The following KCNH1 variants were observed in gnomAD, a reference collection of about 807,000 sequenced individuals.
KCNH1 encodes potassium voltage-gated channel subfamily H member 1, also known as voltage-gated delayed rectifier potassium channel KCNH1.
A neutral mutation model predicts 69.2 loss-of-function variants in KCNH1; 27 were observed. The observed-to-expected ratio is 0.39, with a 90% CI of 0.29 to 0.54. The LOEUF is 0.54. Among genes scored for constraint, KCNH1 ranks in the 20% least tolerant of loss-of-function variants. The pLI is 0.68. For missense variants in KCNH1, 798 were observed against 1,261.6 expected, an observed-to-expected ratio of 0.63 and a Z score of 5.57; for synonymous variants, 456 against 487.7, an observed-to-expected ratio of 0.93 and a Z score of 0.86.
At chr1:210,702,766 C>T (rs1204568073) in intron 10 of KCNH1, among the ~76,000 whole-genome samples, 1 of 152,192 alleles carries the variant, frequency 6.6e-6, no homozygotes, top group African/African-American at 2.4e-5. Context: ...ACAGAGCTTT[C>T]TTGGGCTTTG....
chr1:210,779,034 G>A (rs968350918), intron 9 of KCNH1, among the ~76,000 whole-genome samples: 2 of 152,120 alleles, frequency 1.3e-5, no homozygotes, highest in African/African-American at 4.8e-5. Context: ...ATTGTGGTCG[G>A]AATACACCAT....
intron 1 of KCNH1, among the ~76,000 whole-genome samples, chr1:211,128,683 T>C (rs1185617487): frequency 6.6e-6 from 1 of 152,204 alleles, no homozygotes; most frequent in African/African-American, 2.4e-5. Flanking sequence ...TGCTTTTCTA[T>C]TTGTCGTACT....
At chr1:211,031,921 C>CA (rs1283744889) in intron 5 of KCNH1, among the ~76,000 whole-genome samples, 1 of 152,062 alleles carries the variant, frequency 6.6e-6, no homozygotes, top group African/African-American at 2.4e-5. Context: ...GGCAATCAGG[C>CA]AGGAGAAGGA....
At chr1:210,716,848 A>G (rs1268983871) in intron 10 of KCNH1, among the ~76,000 whole-genome samples, 8 of 152,186 alleles carry the variant, frequency 5.3e-5, no homozygotes, top group Admixed American at 3.9e-4. Flanking sequence ...ACGAGTTGCT[A>G]TGATTTTTTG....
intron 10 of KCNH1, among the ~76,000 whole-genome samples, chr1:210,703,501 T>G (rs1305969318): frequency 6.6e-6 from 1 of 152,218 alleles, no homozygotes; most frequent in Non-Finnish European, 1.5e-5. Flanking sequence ...CCTACCTGCT[T>G]TATACAGTAA....
chr1:210,745,897 C>T (rs1019738426), intron 10 of KCNH1, among the ~76,000 whole-genome samples: 1 of 152,046 alleles, frequency 6.6e-6, no homozygotes, highest in Admixed American at 6.5e-5. Context: ...AGCAGAGTAA[C>T]AGGGAGAAAG....
At chr1:211,131,709 G>T (rs943728111) in intron 1 of KCNH1, among the ~76,000 whole-genome samples, 3 of 152,052 alleles carry the variant, frequency 2.0e-5, no homozygotes, top group African/African-American at 7.2e-5. Context: ...TTCCATTTGT[G>T]TTCAGGAAAT....
At chr1:210,729,996 C>T (rs1682705654) in intron 10 of KCNH1, among the ~76,000 whole-genome samples, 1 of 152,094 alleles carries the variant, frequency 6.6e-6, no homozygotes, top group Non-Finnish European at 1.5e-5. Flanking sequence ...AAGAGAGTCC[C>T]CCAACTTCTG....
chr1:211,072,968 G>A (rs191328309), intron 5 of KCNH1, among the ~76,000 whole-genome samples: 93 of 152,252 alleles, frequency 6.1e-4, no homozygotes, highest in Non-Finnish European at 9.3e-4. Flanking sequence ...CCAACTATAT[G>A]TCGTCTACAG....
intron 7 of KCNH1, among the ~76,000 whole-genome samples, chr1:210,835,619 G>A (rs1284665324): frequency 6.6e-6 from 1 of 152,060 alleles, no homozygotes; most frequent in Non-Finnish European, 1.5e-5. Context: ...CATACCAACA[G>A]AACCACTAAG....
At chr1:210,773,105 T>C (rs1207309875) in intron 10 of KCNH1, among the ~76,000 whole-genome samples, 1 of 152,218 alleles carries the variant, frequency 6.6e-6, no homozygotes, top group Admixed American at 6.5e-5. Context: ...TCAACTTGCT[T>C]TCATAGAAAG....
chr1:210,754,527 G>A (rs1026358641), intron 10 of KCNH1, among the ~76,000 whole-genome samples: 1 of 152,106 alleles, frequency 6.6e-6, no homozygotes, highest in Non-Finnish European at 1.5e-5. Flanking sequence ...GGTCACGGGG[G>A]TGGATCCCTC....
intron 10 of KCNH1, among the ~76,000 whole-genome samples, chr1:210,688,856 C>A (rs28513183): frequency 6.6e-6 from 1 of 152,006 alleles, no homozygotes; most frequent in Non-Finnish European, 1.5e-5. Context: ...TGTTCCACTG[C>A]AAAAGGCCCA....
At chr1:210,794,670 A>G (rs564086373) in intron 9 of KCNH1, among the ~76,000 whole-genome samples, 1 of 152,274 alleles carries the variant, frequency 6.6e-6, no homozygotes, top group Admixed American at 6.5e-5. Flanking sequence ...AACTCCTAGT[A>G]ATGCAGCTGT....
intron 1 of KCNH1, among the ~76,000 whole-genome samples, chr1:211,124,162 G>T (rs2102499964): frequency 6.6e-6 from 1 of 152,268 alleles, no homozygotes; most frequent in Non-Finnish European, 1.5e-5. Context: ...ATTCTTGAAT[G>T]ATGAAAAAAG....
chr1:211,112,310 C>G (rs1328055843), intron 1 of KCNH1, among the ~76,000 whole-genome samples: 3 of 138,440 alleles, frequency 2.2e-5, no homozygotes, highest in African/African-American at 8.1e-5. Context: ...CCCTCCACCC[C>G]TCCCCCGGGG....
chr1:210,724,132 TC>T (rs1682536109), intron 10 of KCNH1, among the ~76,000 whole-genome samples: 1 of 152,132 alleles, frequency 6.6e-6, no homozygotes, highest in Non-Finnish European at 1.5e-5. Context: ...TTATATTAAT[TC>T]CCAATTTTCA....
At chr1:210,736,128 G>T (rs776529365) in intron 10 of KCNH1, among the ~76,000 whole-genome samples, 4 of 152,046 alleles carry the variant, frequency 2.6e-5, no homozygotes, top group Non-Finnish European at 5.9e-5. Context: ...GCAGTACAGC[G>T]TCAAACTCCT....
intron 1 of KCNH1, among the ~76,000 whole-genome samples, chr1:211,130,367 G>A (rs1012344554): frequency 1.3e-5 from 2 of 152,176 alleles, no homozygotes; most frequent in Admixed American, 1.3e-4. Context: ...AGCAAGACCA[G>A]TAAACACCTT....
Sources: allele counts gnomAD v4.1 joint callset (sites outside exome capture counted in the v4.1 genomes callset), GRCh38; gene constraint gnomAD v4.1.1; transcripts MANE v1.5; gene names NCBI Gene and HGNC (gene_info 2026-07-23, HGNC 2026-07-21).